CNKSR2: variants seen among roughly 807,000 people sequenced by gnomAD.
CNKSR2 encodes connector enhancer of kinase suppressor of Ras 2.
CNKSR2 carries 14 observed loss-of-function variants against 84.4 expected under a neutral mutation model. The observed-to-expected ratio is 0.17, with a 90% CI of 0.11 to 0.26. The LOEUF (loss-of-function observed/expected upper bound fraction) is 0.26. Among genes scored for constraint, CNKSR2 ranks in the 10% least tolerant of loss-of-function variants. The pLI, the probability that CNKSR2 is intolerant of heterozygous loss-of-function variation, is 1.00. For missense variants in CNKSR2, 485 were observed against 771.2 expected (o/e 0.63, Z 4.40); for synonymous variants, 275 against 277.9 (o/e 0.99, Z 0.10).
intron 13 of CNKSR2, among the ~76,000 whole-genome samples, chrX:21,584,116 A>C (rs1169871304): frequency 8.9e-6 from 1 of 112,225 alleles, no homozygotes; most frequent in African/African-American, 3.2e-5. Context: ...GCATATTGTG[A>C]ATTTAAATTT....
chrX:21,447,882 C>T (rs1183941104), intron 4 of CNKSR2, among the ~76,000 whole-genome samples: 2 of 111,750 alleles, frequency 1.8e-5, no homozygotes, highest in Non-Finnish European at 3.8e-5. Context: ...GATGCCTGAA[C>T]CCCATACTGG....
rs764432652 is a variant in CNKSR2 at position 21,535,659 on chromosome X, T to C, written c.1303+3592T>C. The stretch of plus-strand genomic sequence containing the variant: ...AAAGGGGATTGCATTCTTGATTTTT[T>C]TTCAGATAGTTTGTTATTGGCATAT... On this transcript the variant is annotated intron_variant, in intron 11 of 21. Transcript: ENST00000379510. Among the ~76,000 whole-genome samples, 18 of 111,233 alleles carry C rather than the reference T, an allele frequency of 1.6e-4. No homozygotes were observed. In the South Asian group the frequency reaches 6.8e-3, roughly 42 times the overall value.
intron 9 of CNKSR2, among the ~76,000 whole-genome samples, chrX:21,522,679 C>T (rs752293470): frequency 1.8e-5 from 2 of 110,394 alleles, no homozygotes; most frequent in East Asian, 2.9e-4. Flanking sequence ...AAAATTGGGG[C>T]GCACAAAGAA....
chrX:21,627,448 G>A (rs1050466632), intron 20 of CNKSR2, among the ~76,000 whole-genome samples: 15 of 111,478 alleles, frequency 1.3e-4, no homozygotes, highest in African/African-American at 3.6e-4. Context: ...GCAGTGAGCC[G>A]AGATCGTGCC....
At chrX:21,613,270 G>A (rs1219516018) in intron 20 of CNKSR2, among the ~76,000 whole-genome samples, 1 of 112,306 alleles carries the variant, frequency 8.9e-6, no homozygotes, top group Admixed American at 9.4e-5. Context: ...ACAGCTTGAA[G>A]TCAGCTTAGA....
chrX:21,590,579 A>G lies in CNKSR2; in HGVS notation c.1616A>G (p.Gln539Arg). 2 of 1,208,409 alleles carry G rather than the reference A, an allele frequency of 1.7e-6. No homozygotes were observed. The highest frequency in any genetic ancestry group is 1.1e-6 in the Non-Finnish European group (1 of 893,420). The change falls in exon 14 of 22, where the codon CAG (glutamine) becomes CGG (arginine). Residue 539 changes from glutamine to arginine, a missense_variant. Coordinates refer to ENST00000379510, the MANE Select transcript of CNKSR2 (RefSeq NM_014927.5). ...VPETTLYHTFQQSSLQHKSKK... is the reference protein window; with the variant it reads ...VPETTLYHTFRQSSLQHKSKK... Reference sequence around the variant, plus strand: ...TTTTATCTTTGATTTCAGACATTTCAGCAGTCCTCACTGCAGCACAAATCA... The same window carrying G: ...TTTTATCTTTGATTTCAGACATTTCGGCAGTCCTCACTGCAGCACAAATCA...
chrX:21,631,233 C>T (rs2092646815), intron 20 of CNKSR2, among the ~76,000 whole-genome samples: 1 of 110,672 alleles, frequency 9.0e-6, no homozygotes, highest in East Asian at 2.8e-4. Context: ...GTAGGAGGAT[C>T]ACTTGAGGAT....
chrX:21,638,759 G>A (rs1334281778), intron 20 of CNKSR2, among the ~76,000 whole-genome samples: 1 of 112,220 alleles, frequency 8.9e-6, no homozygotes, highest in East Asian at 2.8e-4. Flanking sequence ...TATTTTAACA[G>A]CAGCAGTAGG....
chrX:21,595,503 A>C (rs1036343857), intron 17 of CNKSR2, 108 bp downstream of exon 17: 13 of 439,479 alleles, frequency 3.0e-5, no homozygotes, highest in Middle Eastern at 6.2e-4. Flanking sequence ...CAATCAGTTT[A>C]AAATAAAATA....
chrX:21,389,872 G>GT lies in CNKSR2; in HGVS notation c.64+14913dup, dbSNP rs764605372. Among the ~76,000 whole-genome samples, 198 of 112,355 alleles carry GT rather than the reference G, an allele frequency of 1.8e-3. 1 individual carries two copies. Among genetic ancestry groups the GT allele is most frequent in the Non-Finnish European group, 3.0e-3 (162 of 53,236 alleles). On this transcript the variant is annotated intron_variant, in intron 1 of 21. Coordinates refer to ENST00000379510, the MANE Select transcript of CNKSR2 (RefSeq NM_014927.5). ...TGAAAAATAATTTTATTGAATGAATGTTATACTTTGTTTTCATTCTACTAA... is the reference window on the plus strand; with the variant it reads ...TGAAAAATAATTTTATTGAATGAATGTTTATACTTTGTTTTCATTCTACTAA...
intron 20 of CNKSR2, among the ~76,000 whole-genome samples, chrX:21,614,384 C>T (rs2092566640): frequency 9.0e-6 from 1 of 111,429 alleles, no homozygotes; most frequent in Non-Finnish European, 1.9e-5. Flanking sequence ...TATACACACA[C>T]AAATAATTTT....
In CNKSR2 at chrX:21,652,362, A is replaced by G. The variant is rs865795954; in HGVS notation, c.2946A>G (p.Thr982=). Residue 982 remains threonine (T), a synonymous_variant, in exon 22 of 22, where the codon ACA becomes ACG. Transcript: ENST00000379510. ...IDKVLDNPDL[T]SKEFQQWKQM... ...AAGTCCTAGACAATCCAGACTTGAC[A>G]TCTAAAGAATTCCAACAATGGAAGC... The G allele has an allele frequency of 4.1e-6, 5 of 1,209,967 alleles. No homozygotes were observed. In the African/African-American group the frequency reaches 8.7e-5, roughly 21 times the overall value.
At chrX:21,454,824 T>C (rs1288250768) in intron 4 of CNKSR2, among the ~76,000 whole-genome samples, 2 of 112,076 alleles carry the variant, frequency 1.8e-5, no homozygotes, top group Non-Finnish European at 3.8e-5. Flanking sequence ...TCTCATTTGG[T>C]CTTTATAATA....
At chrX:21,461,569 G>T (rs1248806371) in intron 4 of CNKSR2, among the ~76,000 whole-genome samples, 1 of 111,916 alleles carries the variant, frequency 8.9e-6, no homozygotes, top group East Asian at 2.8e-4. Flanking sequence ...TTTTGCTTTG[G>T]TTGCATGTGA....
At chrX:21,386,705 G>A (rs1034985816) in intron 1 of CNKSR2, among the ~76,000 whole-genome samples, 1 of 112,111 alleles carries the variant, frequency 8.9e-6, no homozygotes, top group Admixed American at 9.4e-5. Flanking sequence ...GACTGGAAGT[G>A]TTAAAATAAG....
At chrX:21,389,027 G>T (rs2090011678) in intron 1 of CNKSR2, among the ~76,000 whole-genome samples, 1 of 107,755 alleles carries the variant, frequency 9.3e-6, no homozygotes, top group Admixed American at 1.0e-4. Context: ...TATCTCTGTG[G>T]TCTTTCTTTA....
At chrX:21,410,561 C>G (rs951174746) in intron 1 of CNKSR2, among the ~76,000 whole-genome samples, 1 of 111,099 alleles carries the variant, frequency 9.0e-6, no homozygotes, top group African/African-American at 3.3e-5. Flanking sequence ...TTTTAGGAAA[C>G]ATGATCAGAA....
intron 20 of CNKSR2, among the ~76,000 whole-genome samples, chrX:21,613,132 A>T (rs2092558945): frequency 8.9e-6 from 1 of 112,589 alleles, no homozygotes; most frequent in Admixed American, 9.4e-5. Context: ...CAGCTAAATT[A>T]ACTTACAAAT....
chrX:21,648,184 AT>A (rs747600484), intron 20 of CNKSR2, among the ~76,000 whole-genome samples: 5 of 111,792 alleles, frequency 4.5e-5, no homozygotes, highest in African/African-American at 1.6e-4. Context: ...TTTAATTAAA[AT>A]ATTGATAATT....
Sources: gnomAD v4.1 joint callset for allele counts (sites outside exome capture counted in the v4.1 genomes callset) on GRCh38, gnomAD v4.1.1 for gene constraint, MANE v1.5 for transcripts, NCBI Gene and HGNC (gene_info 2026-07-23, HGNC 2026-07-21) for gene names.